ROBO3: variants seen among roughly 807,000 people sequenced by gnomAD.
The protein encoded by ROBO3 is roundabout guidance receptor 3, also known as roundabout homolog 3.
A neutral mutation model predicts 160.5 loss-of-function variants in ROBO3; 97 were observed. The observed-to-expected ratio is 0.60, with a 90% CI of 0.51 to 0.72. ROBO3 has a LOEUF of 0.72. ROBO3 is among the 30% of genes least tolerant of loss of function. ROBO3 has a pLI of 0.00. For synonymous variants in ROBO3, 780 were observed against 746.2 expected, an observed-to-expected ratio of 1.05 and a Z score of -0.74; for missense variants, 1,858 against 1,846.5, an observed-to-expected ratio of 1.01 and a Z score of -0.11.
In ROBO3 at chr11:124,869,244, C is replaced by T. The variant is rs1321967625; in HGVS notation, c.487+116C>T. The T allele has an allele frequency of 1.6e-6, 2 of 1,237,584 alleles. No homozygotes were observed. Among genetic ancestry groups the T allele is most frequent in the African/African-American group, 1.5e-5 (1 of 66,774 alleles). The allele number at this position is 1,237,584 out of a possible 1,614,324, so 76.7% of individuals were successfully genotyped here. A position where few individuals can be genotyped will look rare whatever the true frequency, so the allele number is the denominator to read the frequency against. On this transcript the variant is annotated intron_variant, in intron 2 of 27. Transcript: ENST00000397801. The surrounding 1 kb of genome is among the most constrained non-coding windows in gnomAD (Gnocchi z 4.2). ...GGACTTCAGCCCACTCAGCATCCTT[C>T]TTTGGGACCGCGACCTTTGATCTCT...
In ROBO3 at chr11:124,868,879, C is replaced by A. The variant is rs764057054; in HGVS notation, c.238C>A (p.Pro80Thr). Reference protein sequence around the residue: ...PPDLLVSRGEPATLPCRAEGR... With the variant: ...PPDLLVSRGETATLPCRAEGR... ...AGATCTGCTGGTCTCCCGAGGCGAG[C>A]CCGCCACGTTGCCCTGCCGCGCTGA... is the stretch of plus-strand genomic sequence containing the variant. Residue 80 changes from proline to threonine, a missense_variant, in exon 2 of 28, where the codon CCC becomes ACC. By Grantham distance (38) the Pro-to-Thr change is conservative (BLOSUM62 -1). Transcript: ENST00000397801. 4 of 1,608,278 alleles carry A rather than the reference C, an allele frequency of 2.5e-6. No individual in the cohort carries two copies. Among genetic ancestry groups the A allele is most frequent in the Non-Finnish European group, 3.4e-6 (4 of 1,178,188 alleles).
chr11:124,868,796 C>A lies in ROBO3; in HGVS notation c.161-6C>A. 1.2e-6 allele frequency: 2 copies of A among 1,604,086 alleles called. No homozygotes were observed. Among genetic ancestry groups the A allele is most frequent in the Non-Finnish European group, 1.7e-6 (2 of 1,175,710 alleles). ...CTGAACGCTCTGCGCCACCCCCTGTCCCCAGGGTCAAGGGTAGGACCGGAG... is the reference window on the plus strand; with the variant it reads ...CTGAACGCTCTGCGCCACCCCCTGTACCCAGGGTCAAGGGTAGGACCGGAG... On this transcript the variant is annotated splice_region_variant and splice_polypyrimidine_tract_variant and intron_variant, in intron 1 of 27. Transcript: ENST00000397801.
Position 124,872,413 on chromosome 11 carries a change from G to T in ROBO3, c.1191G>T (p.Pro397=), listed in dbSNP as rs780179474. 13 of 1,613,794 alleles carry T rather than the reference G, an allele frequency of 8.1e-6. No homozygotes were observed. Among genetic ancestry groups the T allele is most frequent in the Non-Finnish European group, 1.0e-5 (12 of 1,179,896 alleles). The change falls in exon 8 of 28, where the codon CCG becomes CCT. Residue 397 remains proline, a synonymous_variant. Transcript: ENST00000397801. This position sits in a 1 kb window ranked among gnomAD's most constrained non-coding sequence, Gnocchi z 4.3. ...VLLFPSQSLQ[P]TGRFSVSPRG... ...TTTTCCCCAGTCAGTCACTTCAGCC[G>T]ACGGGGCGCTTCTCAGTGTCTCCAA...
At position 124,879,357 on chromosome 11, in the gene ROBO3, C is replaced by G; in HGVS notation, c.3685+16C>G. 6.2e-7 allele frequency: 1 copy of G among 1,607,286 alleles called. No individual in the cohort carries two copies. Among genetic ancestry groups the G allele is most frequent in the East Asian group, 2.2e-5 (1 of 44,676 alleles). On this transcript the variant is annotated intron_variant, in intron 24 of 27. Transcript: ENST00000397801. Reference sequence around the variant, plus strand: ...AGTGCCCCAGGTAAGTCTCTACAACCTCCTTTTGCCCCCCGGCTCCCTCCA... The same window carrying G: ...AGTGCCCCAGGTAAGTCTCTACAACGTCCTTTTGCCCCCCGGCTCCCTCCA...
chr11:124,869,360 A>T lies in ROBO3; in HGVS notation c.488-90A>T. On this transcript the variant is annotated intron_variant, in intron 2 of 27. Coordinates refer to ENST00000397801, the MANE Select transcript of ROBO3 (RefSeq NM_022370.4). This position sits in a 1 kb window ranked among gnomAD's most constrained non-coding sequence, Gnocchi z 4.2. ...AACGAATTCCAGTCTGCAGCGATCA[A>T]CCCCTTCCCAAGACAACACTTTCCC... The T allele has an allele frequency of 7.8e-7, 1 of 1,275,394 alleles. No homozygotes were observed. Among genetic ancestry groups the T allele is most frequent in the Non-Finnish European group, 1.1e-6 (1 of 898,598 alleles). The allele number at this position is 1,275,394 out of a possible 1,614,324, so 79.0% of individuals were successfully genotyped here.
intron 17 of ROBO3, 79 bp from the exon 18 acceptor site, chr11:124,877,082 G>T (rs1045083812): frequency 1.3e-6 from 2 of 1,492,696 alleles, no homozygotes; most frequent in Non-Finnish European, 1.9e-6. Context: ...CGGGGCCTAG[G>T]CGTGGACAAG....
chr11:124,879,712 C>A (rs1946513952), intron 25 of ROBO3, 75 bp from the exon 26 acceptor site: 1 of 1,591,134 alleles, frequency 6.3e-7, no homozygotes. Context: ...CCTCCTGGTG[C>A]CAGGGAATGC....
At chr11:124,877,083 C>A (rs2135338045) in intron 17 of ROBO3, 78 bp from the exon 18 acceptor site, 1 of 1,495,400 alleles carries the variant, frequency 6.7e-7, no homozygotes, top group East Asian at 2.3e-5. Context: ...GGGGCCTAGG[C>A]GTGGACAAGT....
At chr11:124,875,387 G>GGGTGGA (rs1446486622) in intron 14 of ROBO3, 51 bp downstream of exon 14, 20 of 1,522,732 alleles carry the variant, frequency 1.3e-5, no homozygotes, top group Non-Finnish European at 1.7e-5. Flanking sequence ...GAAGGGGTGG[G>GGGTGGA]GGTGGAGGTG....
In ROBO3 at chr11:124,875,281, C is replaced by G; in HGVS notation, c.2244C>G (p.Gly748=). The G allele has an allele frequency of 6.2e-7, 1 of 1,612,832 alleles. No homozygotes were observed. ...TCCAGATCAAGGTGCAAGCCCAAGG[C>G]CAGGAGGGGCTGGGGGCTGAAAGCC... ...TQIQIKVQAQ[G]QEGLGAESLS... The change falls in exon 14 of 28, where the codon GGC becomes GGG. Residue 748 remains glycine (G), a synonymous_variant. Transcript: ENST00000397801.
In ROBO3 at chr11:124,879,284, G is replaced by A. The variant is rs2135346485; in HGVS notation, c.3628G>A (p.Ala1210Thr). ...ARPAGLGAGP[A>T]ASPHLSPSPA... ...GCCTGCTGGCTTGGGTGCTGGCCCTGCAGCCTCACCCCACCTCAGCCCCAG... is the reference window on the plus strand; with the variant it reads ...GCCTGCTGGCTTGGGTGCTGGCCCTACAGCCTCACCCCACCTCAGCCCCAG... The change falls in exon 24 of 28, where the codon GCA becomes ACA. Residue 1210 changes from alanine to threonine, a missense_variant. Transcript: ENST00000397801. 6.3e-7 allele frequency: 1 copy of A among 1,596,262 alleles called. No homozygotes were observed. The highest frequency in any genetic ancestry group is 1.1e-5 in the South Asian group (1 of 87,682).
rs1946239803 is a variant in ROBO3, at chr11:124,868,873, G to A, written c.232G>A (p.Gly78Ser). The A allele has an allele frequency of 6.2e-7, 1 of 1,607,630 alleles. No individual in the cohort carries two copies. The change falls in exon 2 of 28, where the codon GGC (glycine) becomes AGC (serine). Residue 78 changes from glycine to serine, a missense_variant. Coordinates refer to ENST00000397801, the MANE Select transcript of ROBO3 (RefSeq NM_022370.4). ...EQPPDLLVSR[G>S]EPATLPCRAE... Reference sequence around the variant, plus strand: ...GCCGCCAGATCTGCTGGTCTCCCGAGGCGAGCCCGCCACGTTGCCCTGCCG... The same window carrying A: ...GCCGCCAGATCTGCTGGTCTCCCGAAGCGAGCCCGCCACGTTGCCCTGCCG...
At chr11:124,881,151 G>A in intron 27 of ROBO3, 88 bp from the exon 28 acceptor site, 1 of 1,347,090 alleles carries the variant, frequency 7.4e-7, no homozygotes. Flanking sequence ...GGAGAACTGG[G>A]TTAGGAGAGA....
chr11:124,867,478 G>A (rs745477423), intron 1 of ROBO3, among the ~76,000 whole-genome samples: 7 of 152,210 alleles, frequency 4.6e-5, no homozygotes, highest in Non-Finnish European at 8.8e-5. Flanking sequence ...TCACTCCAGT[G>A]TTGCTCACCA....
rs772995103 is a variant in ROBO3, at chr11:124,876,142, G to A, written c.2593+17G>A. ...TGCAGCTGCGTGAGTCCACCCGAGG[G>A]CAGTGCTGAGGATCTTGACGGGGGC... On this transcript the variant is annotated intron_variant, in intron 16 of 27. Transcript: ENST00000397801. The surrounding 1 kb of genome is among the most constrained non-coding windows in gnomAD (Gnocchi z 5.3). The A allele has an allele frequency of 3.8e-6, 6 of 1,589,168 alleles. No homozygotes were observed. The African/African-American group carries it at 4.0e-5, about 11-fold the overall frequency.
Position 124,877,556 on chromosome 11 carries a change from C to T in ROBO3, c.2884C>T (p.Leu962=). Residue 962 remains leucine (L), a synonymous_variant, in exon 20 of 28, where the codon CTG becomes TTG. Coordinates refer to ENST00000397801, the MANE Select transcript of ROBO3 (RefSeq NM_022370.4). The part of the protein sequence containing the change: ...MGLGPAPYSW[L]ADSWPHPSRS... ...CCTTGGCCCCGCCCCCTACTCATGGCTGGCAGATTCGTGGCCCCACCCATC... is the reference window on the plus strand; with the variant it reads ...CCTTGGCCCCGCCCCCTACTCATGGTTGGCAGATTCGTGGCCCCACCCATC... 1 of 1,601,544 alleles carries T rather than the reference C, an allele frequency of 6.2e-7. No individual in the cohort carries two copies. Among genetic ancestry groups the T allele is most frequent in the Non-Finnish European group, 8.5e-7 (1 of 1,174,590 alleles).
intron 15 of ROBO3, 114 bp downstream of exon 15, chr11:124,875,799 G>T: frequency 6.8e-7 from 1 of 1,474,402 alleles, no homozygotes; most frequent in African/African-American, 1.4e-5. Context: ...TTTAGGGTTG[G>T]GGATGAGTTT....
In ROBO3 at chr11:124,878,607, C is replaced by T. The variant is rs938459280; in HGVS notation, c.3344C>T (p.Pro1115Leu). The change falls in exon 23 of 28, where the codon CCG (proline) becomes CTG (leucine). Residue 1115 changes from proline to leucine, a missense_variant. By Grantham distance (98) the Pro-to-Leu change is moderately conservative. Transcript: ENST00000397801. This position sits in a 1 kb window ranked among gnomAD's most constrained non-coding sequence, Gnocchi z 4.3. The stretch of plus-strand genomic sequence containing the variant: ...AGCTCAGAGCCAGAGGAGTGGTGCC[C>T]GCCAATGCCTGAGAGAAGTCACCTG... ...EGSSEPEEWC[P>L]PMPERSHLTE... is the part of the protein sequence containing the mutation. 8.7e-6 allele frequency: 14 copies of T among 1,611,878 alleles called. No individual in the cohort carries two copies. The highest frequency in any genetic ancestry group is 6.7e-5 in the Admixed American group (4 of 59,690).
rs1010611172 is a variant in ROBO3 at position 124,875,927 on chromosome 11, T to G, written c.2422-27T>G. 7.0e-6 allele frequency: 11 copies of G among 1,580,614 alleles called. No homozygotes were observed. The South Asian group carries it at 1.2e-4, about 17-fold the overall frequency. On this transcript the variant is annotated intron_variant, in intron 15 of 27. Coordinates refer to ENST00000397801, the MANE Select transcript of ROBO3 (RefSeq NM_022370.4). ...TGAGGCTAAGAATCCCATTTCTGAC[T>G]CTAAATCCGGGACTCGGCCTCCCTA...
Sources: gnomAD v4.1 joint callset for allele counts (sites outside exome capture counted in the v4.1 genomes callset) on GRCh38, gnomAD v4.1.1 for gene constraint, Gnocchi (gnomAD v3.1) non-coding constraint, MANE v1.5 for transcripts, NCBI Gene and HGNC (gene_info 2026-07-23, HGNC 2026-07-21) for gene names.